PEX5L: variants seen among roughly 807,000 people sequenced by gnomAD.
PEX5L encodes peroxisomal biogenesis factor 5 like.
A neutral mutation model predicts 84.0 loss-of-function variants in PEX5L; 30 were observed. The ratio of observed to expected loss-of-function variants is 0.36; its 90% CI spans 0.27 to 0.48. The LOEUF (loss-of-function observed/expected upper bound fraction) is 0.48, where lower values mean the gene tolerates loss of function less well. Among genes scored for constraint, PEX5L ranks in the 20% least tolerant of loss-of-function variants. The pLI is 0.99. For missense variants in PEX5L, 533 were observed against 754.6 expected (o/e 0.71, Z 3.44); for synonymous variants, 270 against 283.1 (o/e 0.95, Z 0.46).
intron 7 of PEX5L, among the ~76,000 whole-genome samples, chr3:179,866,808 C>G (rs1258442877): frequency 6.6e-6 from 1 of 151,618 alleles, no homozygotes; most frequent in South Asian, 2.1e-4. Flanking sequence ...GCGGATTGCC[C>G]GAGCTCGGGA....
chr3:179,873,030 T>C (rs959416273), intron 7 of PEX5L, among the ~76,000 whole-genome samples: 1 of 152,168 alleles, frequency 6.6e-6, no homozygotes, highest in Non-Finnish European at 1.5e-5. Flanking sequence ...TCCTCTCTTG[T>C]GGAGGGTCAG....
At chr3:179,859,530 T>C (rs1745254645) in intron 7 of PEX5L, among the ~76,000 whole-genome samples, 1 of 152,232 alleles carries the variant, frequency 6.6e-6, no homozygotes, top group African/African-American at 2.4e-5. Context: ...CAAGTCTAGC[T>C]TTAGAAATTG....
chr3:179,896,909 T>C (rs1047616436), intron 3 of PEX5L, among the ~76,000 whole-genome samples: 2 of 152,148 alleles, frequency 1.3e-5, no homozygotes, highest in Admixed American at 6.5e-5. Context: ...TTGGTAAATA[T>C]CAAGCAAATT....
Position 179,809,566 on chromosome 3 carries a change from A to G in PEX5L, c.1257T>C (p.Asn419=), listed in dbSNP as rs1332839850. The G allele has an allele frequency of 5.6e-6, 9 of 1,613,980 alleles. No homozygotes were observed. Among genetic ancestry groups the G allele is most frequent in the South Asian group, 1.1e-5 (1 of 91,082 alleles). Residue 419 remains asparagine, a synonymous_variant, in exon 12 of 15, where the codon AAT becomes AAC. Coordinates refer to ENST00000467460, the MANE Select transcript of PEX5L (RefSeq NM_016559.3). ...TGTACTTTGGATTTTGCTTAATCCA[A>G]TTCTTCAGAGCGTCACAGGCATCCT... The part of the protein sequence containing the change: ...HQQDACDALK[N]WIKQNPKYKY...
At chr3:179,960,825 G>C (rs1781821040) in intron 2 of PEX5L, among the ~76,000 whole-genome samples, 1 of 152,028 alleles carries the variant, frequency 6.6e-6, no homozygotes, top group African/African-American at 2.4e-5. Context: ...TACTCCAATA[G>C]TTCATAAAAT....
chr3:179,936,805 C>T (rs1316800066), intron 2 of PEX5L, among the ~76,000 whole-genome samples: 1 of 105,426 alleles, frequency 9.5e-6, no homozygotes, highest in Non-Finnish European at 2.1e-5. Context: ...TTTAGCATCA[C>T]CTTGAAAAGC....
chr3:179,840,147 C>T (rs1375088019), intron 8 of PEX5L, among the ~76,000 whole-genome samples: 1 of 136,964 alleles, frequency 7.3e-6, no homozygotes, highest in Non-Finnish European at 1.5e-5. Context: ...GGAAAACTAT[C>T]GTCAAGTTGT....
intron 8 of PEX5L, among the ~76,000 whole-genome samples, chr3:179,832,461 T>TACCTACCCACCTACCC (rs1481084840): frequency 2.0e-5 from 3 of 148,224 alleles, no homozygotes; most frequent in Non-Finnish European, 4.5e-5. Context: ...CCCACCTACC[T>TACCTACCCACCTACCC]ACCTACCCAC....
chr3:179,962,168 C>CT (rs1175590645), intron 2 of PEX5L, among the ~76,000 whole-genome samples: 1 of 90,646 alleles, frequency 1.1e-5, no homozygotes, highest in Non-Finnish European at 2.4e-5. Flanking sequence ...GACAAATAGA[C>CT]TTTTAGCTGT....
Position 179,796,059 on chromosome 3 carries a change from T to G in PEX5L, c.*5769A>C, listed in dbSNP as rs916462461. ...TGGCAGAATTCTTGTATGGTATCCA[T>G]GCAGAAATGCTATATATCTCAGTGA... On this transcript the variant is annotated 3_prime_UTR_variant, in exon 15 of 15. Coordinates refer to ENST00000467460, the MANE Select transcript of PEX5L (RefSeq NM_016559.3). The G allele has an allele frequency of 2.0e-5, 3 of 152,196 alleles. No individual in the cohort carries two copies. The highest frequency in any genetic ancestry group is 7.2e-5 in the African/African-American group (3 of 41,452). The allele number at this position is 152,196 out of a possible 1,614,324, so 9.4% of individuals were successfully genotyped here.
At chr3:179,852,090 G>C (rs974515777) in intron 8 of PEX5L, among the ~76,000 whole-genome samples, 1 of 152,142 alleles carries the variant, frequency 6.6e-6, no homozygotes, top group East Asian at 1.9e-4. Flanking sequence ...CAAGCAACAC[G>C]CGTTTACTAT....
intron 2 of PEX5L, among the ~76,000 whole-genome samples, chr3:179,919,332 C>G (rs1768421707): frequency 6.6e-6 from 1 of 152,192 alleles, no homozygotes; most frequent in Non-Finnish European, 1.5e-5. Flanking sequence ...CAGCCTCTCT[C>G]TAGGTACTTG....
At chr3:179,861,669 G>A (rs1339186532) in intron 7 of PEX5L, among the ~76,000 whole-genome samples, 1 of 152,220 alleles carries the variant, frequency 6.6e-6, no homozygotes, top group African/African-American at 2.4e-5. Flanking sequence ...CCAGACACCT[G>A]ACACAGGGAG....
intron 1 of PEX5L, among the ~76,000 whole-genome samples, chr3:180,025,771 C>T (rs933181270): frequency 9.8e-5 from 15 of 152,324 alleles, no homozygotes; most frequent in Admixed American, 2.0e-4. Context: ...TGGCTAAACT[C>T]TTTATTCCAC....
intron 1 of PEX5L, among the ~76,000 whole-genome samples, chr3:179,980,796 C>T (rs1786254981): frequency 6.6e-6 from 1 of 152,000 alleles, no homozygotes; most frequent in South Asian, 2.1e-4. Flanking sequence ...AATCCCAGCA[C>T]TTTGGGAGGC....
chr3:179,971,705 T>C, intron 1 of PEX5L, 40 bp from the exon 2 acceptor site: 1 of 1,530,726 alleles, frequency 6.5e-7, no homozygotes, highest in South Asian at 1.2e-5. Context: ...TTAGTTTCTA[T>C]CCATTAACAA....
At chr3:179,812,712 TCA>T (rs1724373123) in intron 10 of PEX5L, among the ~76,000 whole-genome samples, 1 of 152,058 alleles carries the variant, frequency 6.6e-6, no homozygotes, top group Non-Finnish European at 1.5e-5. Flanking sequence ...ACAATAACTC[TCA>T]CACTGTTATA....
At chr3:179,950,373 G>C (rs1041187739) in intron 2 of PEX5L, among the ~76,000 whole-genome samples, 1 of 151,860 alleles carries the variant, frequency 6.6e-6, no homozygotes, top group African/African-American at 2.4e-5. Flanking sequence ...GTGAGGGGAG[G>C]GGGTGGGGAG....
At chr3:179,961,583 G>A (rs139630786) in intron 2 of PEX5L, among the ~76,000 whole-genome samples, 21 of 152,166 alleles carry the variant, frequency 1.4e-4, no homozygotes, top group Non-Finnish European at 2.4e-4. Context: ...GTCCAAAGTC[G>A]AAGAGAAAAA....
Sources: allele counts gnomAD v4.1 joint callset (sites outside exome capture counted in the v4.1 genomes callset), GRCh38; gene constraint gnomAD v4.1.1; transcripts MANE v1.5; gene names NCBI Gene and HGNC (gene_info 2026-07-23, HGNC 2026-07-21).